The following MTCL1 variants were observed in gnomAD, a reference collection of about 807,000 sequenced individuals.
The protein encoded by MTCL1 is microtubule cross-linking factor 1.
MTCL1 carries 79 observed loss-of-function variants against 141.4 expected under a neutral mutation model. The observed-to-expected ratio is 0.56, with a 90% confidence interval of 0.47 to 0.67. The LOEUF (loss-of-function observed/expected upper bound fraction) is 0.67, where lower values mean the gene tolerates loss of function less well. Ranked by LOEUF, MTCL1 falls within the 30% of genes least tolerant of loss-of-function variation. MTCL1 has a pLI of 0.00. For synonymous variants in MTCL1, 914 were observed against 875.8 expected (o/e 1.04, Z -0.77); for missense variants, 2,177 against 2,113.9 (o/e 1.03, Z -0.59).
intron 4 of MTCL1, among the ~76,000 whole-genome samples, chr18:8,777,104 C>T (rs2143288052): frequency 6.6e-6 from 1 of 152,232 alleles, no homozygotes; most frequent in East Asian, 1.9e-4. Flanking sequence ...GGCGTGGTGG[C>T]AGGTGCCTAT....
At chr18:8,714,967 T>C (rs2096118933), upstream of MTCL1, among the ~76,000 whole-genome samples, 1 of 152,160 alleles carries the variant, frequency 6.6e-6, no homozygotes, top group South Asian at 2.1e-4. Context: ...TGGCTAATTT[T>C]TTTTATTTTT....
intron 4 of MTCL1, among the ~76,000 whole-genome samples, chr18:8,738,899 G>A (rs2148899161): frequency 6.6e-6 from 1 of 152,240 alleles, no homozygotes; most frequent in East Asian, 1.9e-4. Context: ...CATTCCTGAA[G>A]TCTGGACTTA....
In MTCL1 at chr18:8,830,193, C is replaced by G. The variant is rs1168306031; in HGVS notation, c.*18+1229C>G. On this transcript the variant is annotated intron_variant, in intron 16 of 16. Coordinates refer to ENST00000359865, the Ensembl canonical transcript of MTCL1. This position sits in a 1 kb window ranked among gnomAD's most constrained non-coding sequence, Gnocchi z 6.4. ...GGACACAGGAGCACCTTGGGTTAGT[C>G]TGCATCTTGGTGGCTGGTGGCGCTG... 15 of 985,592 alleles carry G rather than the reference C, an allele frequency of 1.5e-5. No homozygotes were observed. Among genetic ancestry groups the G allele is most frequent in the Non-Finnish European group, 1.8e-5 (15 of 830,146 alleles). 61.1% of individuals were successfully genotyped at this position (985,592 alleles called of 1,614,324 possible).
At chr18:8,720,783 A>G (rs563119140) in intron 4 of MTCL1, among the ~76,000 whole-genome samples, 4 of 152,360 alleles carry the variant, frequency 2.6e-5, no homozygotes, top group East Asian at 3.9e-4. Context: ...GGCCCTTTGC[A>G]GAAAACGCTT....
At chr18:8,821,037 G>A (rs968659028) in intron 13 of MTCL1, among the ~76,000 whole-genome samples, 1 of 152,148 alleles carries the variant, frequency 6.6e-6, no homozygotes, top group African/African-American at 2.4e-5. Flanking sequence ...GACCACTAAC[G>A]TTACTCTATC....
chr18:8,815,656 A>G (rs1362783506), intron 12 of MTCL1, among the ~76,000 whole-genome samples: 2 of 151,996 alleles, frequency 1.3e-5, no homozygotes, highest in East Asian at 1.9e-4. Flanking sequence ...TAAAAAAAAA[A>G]AAAGAAAAGT....
At chr18:8,731,128 A>G (rs944177536) in intron 4 of MTCL1, among the ~76,000 whole-genome samples, 1 of 151,938 alleles carries the variant, frequency 6.6e-6, no homozygotes, top group Non-Finnish European at 1.5e-5. Flanking sequence ...GCCTGTAGTC[A>G]TAGCTACTCG....
intron 14 of MTCL1, among the ~76,000 whole-genome samples, chr18:8,823,916 GC>G: frequency 6.6e-6 from 1 of 152,198 alleles, no homozygotes; most frequent in Admixed American, 6.5e-5. Context: ...CACAGGGCCT[GC>G]ACTAGTCTAG....
chr18:8,777,783 C>A, intron 4 of MTCL1, 50 bp from the exon 4 acceptor site: 1 of 1,558,490 alleles, frequency 6.4e-7, no homozygotes, highest in Non-Finnish European at 8.8e-7. Context: ...CTAATGCTGG[C>A]TATCACGTGT....
chr18:8,718,625 C>A, exon 3 of MTCL1: 3 of 1,613,182 alleles, frequency 1.9e-6, no homozygotes, highest in Non-Finnish European at 2.5e-6. Flanking sequence ...TGAGCTTATT[C>A]GAAGCCTGGA....
At chr18:8,790,245 TC>T in intron 7 of MTCL1, among the ~76,000 whole-genome samples, 1 of 152,326 alleles carries the variant, frequency 6.6e-6, no homozygotes, top group African/African-American at 2.4e-5. Context: ...AAAAATGGCT[TC>T]TTAACATATA....
chr18:8,759,530 A>C (rs956041426), intron 4 of MTCL1, among the ~76,000 whole-genome samples: 11 of 152,170 alleles, frequency 7.2e-5, no homozygotes, highest in African/African-American at 2.4e-4. Flanking sequence ...TCCCAAGGGC[A>C]CTCTGAGACC....
chr18:8,828,875 C>A lies in MTCL1; in HGVS notation c.4723-33C>A. The A allele has an allele frequency of 6.2e-7, 1 of 1,600,650 alleles. No homozygotes were observed. The highest frequency in any genetic ancestry group is 8.5e-7 in the Non-Finnish European group (1 of 1,179,596). ...TAAAAAACACTTTCCAACCTTCTTG[C>A]TTTTCTTTTCTTTCTCTGTCTGTTC... is the stretch of plus-strand genomic sequence containing the variant. On this transcript the variant is annotated intron_variant, in intron 15 of 16. Coordinates refer to ENST00000359865, the Ensembl canonical transcript of MTCL1. This position sits in a 1 kb window ranked among gnomAD's most constrained non-coding sequence, Gnocchi z 5.2.
Position 8,784,786 on chromosome 18 carries a change from C to T in MTCL1, c.1674C>T (p.Ser558=), listed in dbSNP as rs115087032. 9.8e-4 allele frequency: 1,574 copies of T among 1,613,284 alleles called. 5 individuals carry two copies. The African/African-American group carries it at 0.011, about 11-fold the overall frequency. Residue 558 remains serine, a synonymous_variant, in exon 6 of 17, where the codon TCC becomes TCT. Coordinates refer to ENST00000359865, the Ensembl canonical transcript of MTCL1. Reference sequence around the variant, plus strand: ...CTAGCTTCCTCTCCACTGTGACTTCCGTGTCCCGGGACTCCCCCATCGGGA... The same window carrying T: ...CTAGCTTCCTCTCCACTGTGACTTCTGTGTCCCGGGACTCCCCCATCGGGA...
intron 16 of MTCL1, chr18:8,831,280 T>C (rs989663765): frequency 2.2e-5 from 25 of 1,147,476 alleles, no homozygotes; most frequent in Middle Eastern, 7.8e-4. Flanking sequence ...TGAAGTGGCC[T>C]GTGGAGACCG....
chr18:8,803,634 A>G (rs979452591), intron 10 of MTCL1, among the ~76,000 whole-genome samples: 1 of 152,158 alleles, frequency 6.6e-6, no homozygotes, highest in Non-Finnish European at 1.5e-5. Flanking sequence ...AGGAATGATG[A>G]TAACAGGTAC....
intron 4 of MTCL1, among the ~76,000 whole-genome samples, chr18:8,743,800 A>G (rs2096318727): frequency 3.3e-5 from 5 of 152,268 alleles, no homozygotes; most frequent in Admixed American, 3.3e-4. Flanking sequence ...CTGATTAGCA[A>G]CCTCTACTCC....
chr18:8,748,019 G>T (rs1381811308), intron 4 of MTCL1, among the ~76,000 whole-genome samples: 1 of 152,156 alleles, frequency 6.6e-6, no homozygotes, highest in East Asian at 1.9e-4. Flanking sequence ...TCCAGGTCAT[G>T]TTGGTGCCCC....
exon 1 of MTCL1, chr18:8,706,450 C>T (rs1248489727): frequency 2.4e-6 from 3 of 1,235,642 alleles, no homozygotes; most frequent in Non-Finnish European, 3.0e-6. Context: ...GCCGGGCAGC[C>T]CCGAGCCCCC....
Sources: gnomAD v4.1 joint callset for allele counts (sites outside exome capture counted in the v4.1 genomes callset) on GRCh38, gnomAD v4.1.1 for gene constraint, Gnocchi (gnomAD v3.1) non-coding constraint, MANE v1.5 for transcripts, NCBI Gene and HGNC (gene_info 2026-07-23, HGNC 2026-07-21) for gene names.